The following CCN2 variants were observed in gnomAD, a reference collection of about 807,000 sequenced individuals.
CCN2 encodes the protein CCN family member 2.
A neutral mutation model predicts 33.2 loss-of-function variants in CCN2; 22 were observed. The ratio of observed to expected loss-of-function variants is 0.66; its 90% confidence interval spans 0.47 to 0.95. CCN2 has a LOEUF of 0.95. Ranked by LOEUF, CCN2 falls within the 40% of genes least tolerant of loss-of-function variation. The pLI is 0.00. For synonymous variants in CCN2, 178 were observed against 200.6 expected, an observed-to-expected ratio of 0.89 and a Z score of 0.95; for missense variants, 469 against 498.8, an observed-to-expected ratio of 0.94 and a Z score of 0.57.
Position 131,950,688 on chromosome 6 carries a change from G to A in CCN2, c.289+82C>T, listed in dbSNP as rs979318137. On this transcript the variant is annotated intron_variant, in intron 2 of 4. Transcript: ENST00000367976. This position sits in a 1 kb window ranked among gnomAD's most constrained non-coding sequence, Gnocchi z 7.1. ...GCAGCTGGAGAAAGAAACTCAGTCCGAGCGGTTTCTTTTTCCAGCGGGCGG... is the reference window on the plus strand; with the variant it reads ...GCAGCTGGAGAAAGAAACTCAGTCCAAGCGGTTTCTTTTTCCAGCGGGCGG... 49 of 1,474,832 alleles carry A rather than the reference G, an allele frequency of 3.3e-5. 1 individual carries two copies. In the South Asian group the frequency reaches 5.7e-4, roughly 17 times the overall value. The allele number at this position is 1,474,832 out of a possible 1,614,324, so 91.4% of individuals were successfully genotyped here.
rs1475978750 is a variant in CCN2, at chr6:131,951,157, T to C, written c.16A>G (p.Met6Val). ...ACGAAGGCGACGCGGACGGGGCCCA[T>C]ACTGGCGGCGGTCATGGTTGGCACT... MTAAS[M>V]GPVRVAFVVL... The change falls in exon 1 of 5, where the codon ATG (methionine) becomes GTG (valine). Residue 6 changes from methionine (M) to valine (V), a missense_variant. Met to Val is a conservative substitution (Grantham distance 21). Transcript: ENST00000367976. 3.0e-6 allele frequency: 4 copies of C among 1,340,414 alleles called. No individual in the cohort carries two copies. The highest frequency in any genetic ancestry group is 3.0e-5 in the Admixed American group (1 of 33,566). 83.0% of individuals were successfully genotyped at this position (1,340,414 alleles called of 1,614,324 possible).
At position 131,949,182 on chromosome 6, in the gene CCN2, C is replaced by CTGAAA; in HGVS notation, c.*77_*81dup. The stretch of plus-strand genomic sequence containing the variant: ...AAACAGATTTAAATAACTTGTGCTA[C>CTGAAA]TGAAATCATTTTTACGGAAAAATGA... On this transcript the variant is annotated 3_prime_UTR_variant, in exon 5 of 5. Transcript: ENST00000367976. 1 of 1,256,084 alleles carries CTGAAA rather than the reference C, an allele frequency of 8.0e-7. No individual in the cohort carries two copies. Among genetic ancestry groups the CTGAAA allele is most frequent in the Non-Finnish European group, 1.1e-6 (1 of 873,680 alleles). 77.8% of individuals were successfully genotyped at this position (1,256,084 alleles called of 1,614,324 possible).
At position 131,949,925 on chromosome 6, in the gene CCN2, A is replaced by T. The variant is rs375441163; in HGVS notation, c.753+24T>A. 9.3e-5 allele frequency: 150 copies of T among 1,609,686 alleles called. No individual in the cohort carries two copies. The African/African-American group carries it at 1.8e-3, about 19-fold the overall frequency. ...ATCCACTGTTTTTCCTGTGAAAAATAGTTAATAGGAGCAGAACATGTACCT... is the reference window on the plus strand; with the variant it reads ...ATCCACTGTTTTTCCTGTGAAAAATTGTTAATAGGAGCAGAACATGTACCT... On this transcript the variant is annotated intron_variant, in intron 4 of 4. Transcript: ENST00000367976.
Position 131,949,282 on chromosome 6 carries a change from C to T in CCN2, c.1032G>A (p.Met344Ile), listed in dbSNP as rs763345161. ...DIFESLYYRK[M>I]YGDMA ...TCTGGCTTCATGCCATGTCTCCGTACATCTTCCTGTAGTACAGCGATTCAA... is the reference window on the plus strand; with the variant it reads ...TCTGGCTTCATGCCATGTCTCCGTATATCTTCCTGTAGTACAGCGATTCAA... The change falls in exon 5 of 5, where the codon ATG (methionine) becomes ATA (isoleucine). Residue 344 changes from methionine to isoleucine, a missense_variant. Met to Ile is a conservative substitution (Grantham distance 10, BLOSUM62 1). Transcript: ENST00000367976. 1.9e-6 allele frequency: 3 copies of T among 1,614,022 alleles called. No individual in the cohort carries two copies. Among genetic ancestry groups the T allele is most frequent in the South Asian group, 2.2e-5 (2 of 91,080 alleles).
rs1046892699 is a variant in CCN2 at position 131,949,201 on chromosome 6, A to C, written c.*63T>G. The C allele has an allele frequency of 7.0e-7, 1 of 1,424,396 alleles. No homozygotes were observed. The highest frequency in any genetic ancestry group is 1.4e-5 in the African/African-American group (1 of 71,004). The allele number at this position is 1,424,396 out of a possible 1,614,324, so 88.2% of individuals were successfully genotyped here. ...GTGCTACTGAAATCATTTTTACGGA[A>C]AAATGAGATGTGAATCAGTTCAAGT... On this transcript the variant is annotated 3_prime_UTR_variant, in exon 5 of 5. Coordinates refer to ENST00000367976, the MANE Select transcript of CCN2 (RefSeq NM_001901.4).
chr6:131,951,286 CG>C lies in CCN2; in HGVS notation c.-115del. Reference sequence around the variant, plus strand: ...ACCGGGACGCGCCGGGCTGTCGTCTCGGGGCTGTCGGCCGGGGCGGCTGCCG... The same window carrying C: ...ACCGGGACGCGCCGGGCTGTCGTCTCGGGCTGTCGGCCGGGGCGGCTGCCG... On this transcript the variant is annotated 5_prime_UTR_variant, in exon 1 of 5. Transcript: ENST00000367976. The C allele has an allele frequency of 2.2e-6, 2 of 925,220 alleles. No individual in the cohort carries two copies. Among genetic ancestry groups the C allele is most frequent in the Non-Finnish European group, 1.4e-6 (1 of 714,136 alleles). 57.3% of individuals were successfully genotyped at this position (925,220 alleles called of 1,614,324 possible). A position where few individuals can be genotyped will look rare whatever the true frequency, so the allele number is the denominator to read the frequency against.
Position 131,950,213 on chromosome 6 carries a change from C to A in CCN2, c.542-53G>T. On this transcript the variant is annotated intron_variant, in intron 3 of 4. Transcript: ENST00000367976. This position sits in a 1 kb window ranked among gnomAD's most constrained non-coding sequence, Gnocchi z 7.1. ...TGTAAAACGCCTGGATAAGGTATTT[C>A]CCCCGTTCGGTCGGCACAGTTAGGA... 6.2e-7 allele frequency: 1 copy of A among 1,611,670 alleles called. No individual in the cohort carries two copies. The highest frequency in any genetic ancestry group is 2.2e-5 in the East Asian group (1 of 44,806).
rs931378806 is a variant in CCN2, at chr6:131,950,213, C to T, written c.542-53G>A. On this transcript the variant is annotated intron_variant, in intron 3 of 4. Transcript: ENST00000367976. The surrounding 1 kb of genome is among the most constrained non-coding windows in gnomAD (Gnocchi z 7.1). ...TGTAAAACGCCTGGATAAGGTATTT[C>T]CCCCGTTCGGTCGGCACAGTTAGGA... 11 of 1,611,552 alleles carry T rather than the reference C, an allele frequency of 6.8e-6. No individual in the cohort carries two copies. The African/African-American group carries it at 1.2e-4, about 18-fold the overall frequency.
At position 131,951,159 on chromosome 6, in the gene CCN2, C is replaced by A; in HGVS notation, c.14G>T (p.Ser5Ile). The change falls in exon 1 of 5, where the codon AGT (serine) becomes ATT (isoleucine). Residue 5 changes from serine to isoleucine, a missense_variant. Transcript: ENST00000367976. ...GAAGGCGACGCGGACGGGGCCCATA[C>A]TGGCGGCGGTCATGGTTGGCACTGC... MTAA[S>I]MGPVRVAFVV... is the part of the protein sequence containing the mutation. The A allele has an allele frequency of 1.5e-6, 2 of 1,342,540 alleles. No homozygotes were observed. Among genetic ancestry groups the A allele is most frequent in the Middle Eastern group, 2.5e-4 (1 of 4,004 alleles). The allele number at this position is 1,342,540 out of a possible 1,614,324, so 83.2% of individuals were successfully genotyped here.
chr6:131,950,019 C>A lies in CCN2; in HGVS notation c.683G>T (p.Cys228Phe), dbSNP rs376817540. Residue 228 changes from cysteine to phenylalanine, a missense_variant, in exon 4 of 5, where the codon TGC becomes TTC. By Grantham distance (205) the Cys-to-Phe change is radical. Transcript: ENST00000367976. This position sits in a 1 kb window ranked among gnomAD's most constrained non-coding sequence, Gnocchi z 7.1. ...STRVTNDNAS[C>F]RLEKQSRLCM... is the part of the protein sequence containing the mutation. ...CAGGCGGCTCTGCTTCTCTAGCCTG[C>A]AGGAGGCGTTGTCATTGGTAACCCG... 2 of 1,614,120 alleles carry A rather than the reference C, an allele frequency of 1.2e-6. No individual in the cohort carries two copies. The highest frequency in any genetic ancestry group is 2.7e-5 in the African/African-American group (2 of 74,944).
rs755300422 is a variant in CCN2 at position 131,950,587 on chromosome 6, C to G, written c.290-44G>C. On this transcript the variant is annotated intron_variant, in intron 2 of 4. Transcript: ENST00000367976. The surrounding 1 kb of genome is among the most constrained non-coding windows in gnomAD (Gnocchi z 7.1). Reference sequence around the variant, plus strand: ...AGAGAGGGGTGGGGGATGCAGAGGTCAGGCATTGGGGCACTCTCACATCCA... The same window carrying G: ...AGAGAGGGGTGGGGGATGCAGAGGTGAGGCATTGGGGCACTCTCACATCCA... 3.8e-6 allele frequency: 6 copies of G among 1,598,292 alleles called. No individual in the cohort carries two copies. In the African/African-American group the frequency reaches 8.0e-5, roughly 21 times the overall value.
chr6:131,951,193 C>CGGAGGGCGCGGT lies in CCN2; in HGVS notation c.-33_-22dup. The CGGAGGGCGCGGT allele has an allele frequency of 7.7e-7, 1 of 1,295,998 alleles. No individual in the cohort carries two copies. Among genetic ancestry groups the CGGAGGGCGCGGT allele is most frequent in the African/African-American group, 1.5e-5 (1 of 65,324 alleles). The allele number at this position is 1,295,998 out of a possible 1,614,324, so 80.3% of individuals were successfully genotyped here. ...GTCATGGTTGGCACTGCGGGCGGAGCGGAGGGCGCGGTGGCGGCGAGCGGG... is the reference window on the plus strand; with the variant it reads ...GTCATGGTTGGCACTGCGGGCGGAGCGGAGGGCGCGGTGGAGGGCGCGGTGGCGGCGAGCGGG... On this transcript the variant is annotated 5_prime_UTR_variant, in exon 1 of 5. Coordinates refer to ENST00000367976, the MANE Select transcript of CCN2 (RefSeq NM_001901.4).
In CCN2 at chr6:131,950,736, C is replaced by T; in HGVS notation, c.289+34G>A. The T allele has an allele frequency of 6.6e-7, 1 of 1,510,508 alleles. No individual in the cohort carries two copies. Among genetic ancestry groups the T allele is most frequent in the South Asian group, 1.2e-5 (1 of 80,698 alleles). The allele number at this position is 1,510,508 out of a possible 1,614,324, so 93.6% of individuals were successfully genotyped here. ...CGGGTGGGCGTGAGGGAGGAGGCGG[C>T]CGGACACCTAGCGGTGGGGGCTGCG... is the stretch of plus-strand genomic sequence containing the variant. On this transcript the variant is annotated intron_variant, in intron 2 of 4. Coordinates refer to ENST00000367976, the MANE Select transcript of CCN2 (RefSeq NM_001901.4). The surrounding 1 kb of genome is among the most constrained non-coding windows in gnomAD (Gnocchi z 7.1).
At chr6:131,949,582 A>T in intron 4 of CCN2, 22 bp from the exon 5 acceptor site, 1 of 888,226 alleles carries the variant, frequency 1.1e-6, no homozygotes, top group Non-Finnish European at 1.7e-6. Context: ...AAGGGAAAAG[A>T]GAGAGGAAAA....
rs1783059181 is a variant in CCN2 at position 131,949,028 on chromosome 6, G to C, written c.*236C>G. The C allele has an allele frequency of 1.8e-6, 1 of 553,728 alleles. No homozygotes were observed. The highest frequency in any genetic ancestry group is 3.1e-5 in the Admixed American group (1 of 32,538). The allele number at this position is 553,728 out of a possible 1,614,324, so 34.3% of individuals were successfully genotyped here. A position where few individuals can be genotyped will look rare whatever the true frequency, so the allele number is the denominator to read the frequency against. On this transcript the variant is annotated 3_prime_UTR_variant, in exon 5 of 5. Coordinates refer to ENST00000367976, the MANE Select transcript of CCN2 (RefSeq NM_001901.4). ...GCCACACCTTAATATACATTCTGGT[G>C]CTGTGTACTAATGTAGTTCCACTGT...
chr6:131,950,957 C>T lies in CCN2; in HGVS notation c.102G>A (p.Arg34=). ...AVGQNCSGPC[R]CPDEPAPRCP... ...AGCGCGGCGCCGGCTCGTCCGGGCA[C>T]CGGCACGGCCCGCTGCAGTTCTGGC... Residue 34 remains arginine, a synonymous_variant, in exon 2 of 5, where the codon CGG becomes CGA. Transcript: ENST00000367976. The surrounding 1 kb of genome is among the most constrained non-coding windows in gnomAD (Gnocchi z 7.1). 1.5e-6 allele frequency: 2 copies of T among 1,374,706 alleles called. No individual in the cohort carries two copies. The highest frequency in any genetic ancestry group is 1.9e-6 in the Non-Finnish European group (2 of 1,075,260). 85.2% of individuals were successfully genotyped at this position (1,374,706 alleles called of 1,614,324 possible).
chr6:131,948,642 TAC>T lies in CCN2; in HGVS notation c.*620_*621del, dbSNP rs35220939. 0.14 allele frequency: 21,874 copies of T among 151,266 alleles called. 1,720 individuals carry two copies. The highest frequency in any genetic ancestry group is 0.21 in the African/African-American group (8,590 of 40,828). The allele number at this position is 151,266 out of a possible 1,614,324, so 9.4% of individuals were successfully genotyped here. On this transcript the variant is annotated 3_prime_UTR_variant, in exon 5 of 5. Transcript: ENST00000367976. ...AGATAACTGTACATATATATATATA[TAC>T]ACACACACACACACACACAATATTT...
In CCN2 at chr6:131,949,217, C is replaced by A; in HGVS notation, c.*47G>T. The A allele has an allele frequency of 1.3e-6, 2 of 1,486,354 alleles. No homozygotes were observed. Among genetic ancestry groups the A allele is most frequent in the South Asian group, 1.1e-5 (1 of 88,068 alleles). The allele number at this position is 1,486,354 out of a possible 1,614,324, so 92.1% of individuals were successfully genotyped here. A position where few individuals can be genotyped will look rare whatever the true frequency, so the allele number is the denominator to read the frequency against. ...TTTTACGGAAAAATGAGATGTGAATCAGTTCAAGTTCCAGTCTAATGAGTT... is the reference window on the plus strand; with the variant it reads ...TTTTACGGAAAAATGAGATGTGAATAAGTTCAAGTTCCAGTCTAATGAGTT... On this transcript the variant is annotated 3_prime_UTR_variant, in exon 5 of 5. Coordinates refer to ENST00000367976, the MANE Select transcript of CCN2 (RefSeq NM_001901.4).
In CCN2 at chr6:131,950,226, G is replaced by C. The variant is rs1783084091; in HGVS notation, c.541+66C>G. The stretch of plus-strand genomic sequence containing the variant: ...GATAAGGTATTTCCCCCGTTCGGTC[G>C]GCACAGTTAGGACTCCCTCCCTGGG... On this transcript the variant is annotated intron_variant, in intron 3 of 4. Coordinates refer to ENST00000367976, the MANE Select transcript of CCN2 (RefSeq NM_001901.4). The surrounding 1 kb of genome is among the most constrained non-coding windows in gnomAD (Gnocchi z 7.1). 3 of 1,610,474 alleles carry C rather than the reference G, an allele frequency of 1.9e-6. No homozygotes were observed. Among genetic ancestry groups the C allele is most frequent in the Non-Finnish European group, 2.5e-6 (3 of 1,177,402 alleles).
Sources: gnomAD v4.1 joint callset for allele counts on GRCh38, gnomAD v4.1.1 for gene constraint, Gnocchi (gnomAD v3.1) non-coding constraint, MANE v1.5 for transcripts, NCBI Gene and HGNC (gene_info 2026-07-23, HGNC 2026-07-21) for gene names.